Variants in NPHP4 observed in about 807,000 individuals in gnomAD.
The protein encoded by NPHP4 is nephrocystin 4.
Under a neutral mutation model 155.8 loss-of-function variants are expected in NPHP4, and 151 were observed. That is an observed-to-expected ratio of 0.97 (90% CI 0.85 to 1.11). The LOEUF (loss-of-function observed/expected upper bound fraction) is 1.11, where lower values mean the gene tolerates loss of function less well. Among genes scored for constraint, NPHP4 ranks in the 50% least tolerant of loss-of-function variants. The probability of loss-of-function intolerance (pLI) is 0.00; values close to 1 mark genes in which losing one functional copy is unlikely to be tolerated. For missense variants in NPHP4, 1,956 were observed against 1,925.7 expected (o/e 1.02, Z -0.29); for synonymous variants, 845 against 816.8 (o/e 1.03, Z -0.59).
intron 16 of NPHP4, among the ~76,000 whole-genome samples, chr1:5,897,458 C>T (rs1290937640): frequency 6.6e-6 from 1 of 152,188 alleles, no homozygotes; most frequent in Non-Finnish European, 1.5e-5. Flanking sequence ...GGCTGTGAAG[C>T]ACACAGCACT....
At chr1:5,868,157 C>CGA in intron 23 of NPHP4, 1 of 586,896 alleles carries the variant, frequency 1.7e-6, no homozygotes, top group African/African-American at 1.8e-5. Context: ...TTATTCCTCG[C>CGA]GAGTACAGCA....
intron 10 of NPHP4, 71 bp downstream of exon 10, chr1:5,933,076 T>G: frequency 8.0e-7 from 1 of 1,252,742 alleles, no homozygotes; most frequent in Admixed American, 2.4e-5. Context: ...ATTTGTGAAC[T>G]TTTGCTTTTG....
chr1:5,865,937 G>A, intron 26 of NPHP4: 1 of 214,910 alleles, frequency 4.7e-6, no homozygotes, highest in South Asian at 7.7e-5. Flanking sequence ...GACTTAGGAG[G>A]GGAGGGGAAA....
At chr1:5,963,422 CTG>C (rs550358974) in intron 5 of NPHP4, among the ~76,000 whole-genome samples, 161 of 152,134 alleles carry the variant, frequency 1.1e-3, no homozygotes, top group African/African-American at 3.5e-3. Context: ...TGGTGAAACA[CTG>C]TATTTTTTTT....
chr1:5,981,230 G>A (rs962989945), intron 2 of NPHP4, among the ~76,000 whole-genome samples: 32 of 152,192 alleles, frequency 2.1e-4, no homozygotes, highest in African/African-American at 7.0e-4. Flanking sequence ...CAGAACCGTC[G>A]CTGGCTTGGG....
At chr1:5,933,077 T>C (rs1646359070) in intron 10 of NPHP4, 70 bp downstream of exon 10, 2 of 1,259,890 alleles carry the variant, frequency 1.6e-6, no homozygotes, top group African/African-American at 1.5e-5. Flanking sequence ...TTTGTGAACT[T>C]TTGCTTTTGA....
At chr1:5,985,981 A>C (rs567987904) in intron 2 of NPHP4, among the ~76,000 whole-genome samples, 174 bp downstream of exon 2, 2 of 152,322 alleles carry the variant, frequency 1.3e-5, no homozygotes, top group East Asian at 3.9e-4. Context: ...ATCTCCTGTA[A>C]TATATTGAAA....
intron 7 of NPHP4, among the ~76,000 whole-genome samples, chr1:5,948,553 G>T (rs1247167557): frequency 6.6e-6 from 1 of 152,120 alleles, no homozygotes; most frequent in Non-Finnish European, 1.5e-5. Flanking sequence ...TCCAAGGCTG[G>T]GCTGACCATT....
intron 19 of NPHP4, among the ~76,000 whole-genome samples, chr1:5,878,714 A>C (rs1480369654): frequency 1.3e-5 from 2 of 152,204 alleles, no homozygotes; most frequent in African/African-American, 4.8e-5. Context: ...TGATTGTCTC[A>C]GCAAGGCCTT....
At chr1:5,869,102 CAT>C (rs1641693447) in intron 23 of NPHP4, among the ~76,000 whole-genome samples, 1 of 138,214 alleles carries the variant, frequency 7.2e-6, no homozygotes, top group South Asian at 2.4e-4. Flanking sequence ...TGCACACATG[CAT>C]GCACCCACAT....
chr1:5,947,192 C>T lies in NPHP4; in HGVS notation c.1031G>A (p.Arg344His), dbSNP rs757868037. Reference protein sequence around the residue: ...SQALVLRSRLRLPEMVGHPAF... With the variant: ...SQALVLRSRLHLPEMVGHPAF... ...AGGGTGGCCGACCATCTCTGGGAGG[C>T]GGAGGCGGCTTCTCAAAACCAGAGC... Residue 344 changes from arginine (R) to histidine (H), a missense_variant, in exon 9 of 30, where the codon CGC becomes CAC. Physicochemically the swap from Arg to His is conservative, Grantham distance 29 (BLOSUM62 0). Coordinates refer to ENST00000378156, the MANE Select transcript of NPHP4 (RefSeq NM_015102.5). 1.8e-5 allele frequency: 29 copies of T among 1,613,696 alleles called. No homozygotes were observed. Among genetic ancestry groups the T allele is most frequent in the Admixed American group, 5.0e-5 (3 of 59,998 alleles).
intron 18 of NPHP4, 31 bp downstream of exon 18, chr1:5,887,255 G>T: frequency 6.3e-7 from 1 of 1,593,538 alleles, no homozygotes; most frequent in Non-Finnish European, 8.6e-7. Context: ...GGCGGCCGCT[G>T]GAGAAATGGC....
chr1:5,944,488 C>A lies in NPHP4; in HGVS notation c.1119+2616G>T, dbSNP rs2101894096. ...TGCCTTTCTCCTCTCACGTCCCGCT[C>A]AATTCCAGTTTCACCCGGTGGATGC... On this transcript the variant is annotated intron_variant, in intron 9 of 29. Coordinates refer to ENST00000378156, the MANE Select transcript of NPHP4 (RefSeq NM_015102.5). The surrounding 1 kb of genome is among the most constrained non-coding windows in gnomAD (Gnocchi z 4.3). 6.6e-6 allele frequency among the ~76,000 whole-genome samples: 1 copy of A among 152,366 alleles called. No homozygotes were observed. The highest frequency in any genetic ancestry group is 1.5e-5 in the Non-Finnish European group (1 of 68,038).
intron 25 of NPHP4, 111 bp downstream of exon 25, chr1:5,866,919 T>C: frequency 1.2e-6 from 1 of 807,012 alleles, no homozygotes; most frequent in South Asian, 1.5e-5. Context: ...AAGAAACCAC[T>C]TAGCAGAAAA....
Position 5,863,277 on chromosome 1 carries a change from G to T in NPHP4, c.4269C>A (p.Val1423=), listed in dbSNP as rs778732046. Residue 1423 remains valine, a synonymous_variant, in exon 30 of 30, where the codon GTC becomes GTA. Transcript: ENST00000378156. ...CACCCTCAAGCCCTCACTGGTAGATGACCTTCACGCAAAATGCCTCTTCGT... is the reference window on the plus strand; with the variant it reads ...CACCCTCAAGCCCTCACTGGTAGATTACCTTCACGCAAAATGCCTCTTCGT... ...DKNEEAFCVK[V]IYQ 2 of 1,614,032 alleles carry T rather than the reference G, an allele frequency of 1.2e-6. No individual in the cohort carries two copies. Among genetic ancestry groups the T allele is most frequent in the Non-Finnish European group, 1.7e-6 (2 of 1,179,882 alleles).
chr1:5,913,019 C>T (rs1299698313), intron 11 of NPHP4, among the ~76,000 whole-genome samples: 3 of 152,056 alleles, frequency 2.0e-5, no homozygotes, highest in Non-Finnish European at 4.4e-5. Flanking sequence ...GACATGGTGG[C>T]ACGCGCCTGT....
Position 5,863,161 on chromosome 1 carries a change from T to C in NPHP4, c.*104A>G. On this transcript the variant is annotated 3_prime_UTR_variant, in exon 30 of 30. Transcript: ENST00000378156. ...GTGCACAGGTCAGCCAGGTGGGCAC[T>C]GAAGTGAAAGGCTGCAGAGAGGCGG... 2 of 1,299,280 alleles carry C rather than the reference T, an allele frequency of 1.5e-6. No homozygotes were observed. The highest frequency in any genetic ancestry group is 2.2e-6 in the Non-Finnish European group (2 of 896,658). The allele number at this position is 1,299,280 out of a possible 1,614,324, so 80.5% of individuals were successfully genotyped here.
intron 20 of NPHP4, among the ~76,000 whole-genome samples, chr1:5,875,424 A>C (rs1453902287): frequency 2.0e-5 from 3 of 152,216 alleles, no homozygotes; most frequent in Non-Finnish European, 4.4e-5. Flanking sequence ...GTTTCAAACA[A>C]GAGAAAAGAA....
chr1:5,915,065 G>A (rs1645398122), intron 11 of NPHP4, among the ~76,000 whole-genome samples: 1 of 152,236 alleles, frequency 6.6e-6, no homozygotes, highest in African/African-American at 2.4e-5. Context: ...GCCCAGCTGA[G>A]CAAAGCTGCC....
Sources: allele counts gnomAD v4.1 joint callset (sites outside exome capture counted in the v4.1 genomes callset), GRCh38; gene constraint gnomAD v4.1.1; non-coding constraint Gnocchi (gnomAD v3.1); transcripts MANE v1.5; gene names NCBI Gene and HGNC (gene_info 2026-07-23, HGNC 2026-07-21).